The following ESRRG variants were observed in gnomAD, a reference collection of about 807,000 sequenced individuals.
ESRRG encodes the protein estrogen related receptor gamma, also known as estrogen-related receptor gamma.
Under a neutral mutation model 44.0 loss-of-function variants are expected in ESRRG, and 13 were observed. The observed-to-expected ratio is 0.30, with a 90% CI of 0.19 to 0.47. ESRRG has a LOEUF of 0.47. Among genes scored for constraint, ESRRG ranks in the 20% least tolerant of loss-of-function variants. The pLI, the probability that ESRRG is intolerant of heterozygous loss-of-function variation, is 1.00. For missense variants in ESRRG, 395 were observed against 580.6 expected, an observed-to-expected ratio of 0.68 and a Z score of 3.29; for synonymous variants, 215 against 214.6, an observed-to-expected ratio of 1.00 and a Z score of -0.02.
intron 3 of ESRRG, among the ~76,000 whole-genome samples, chr1:216,580,580 T>C (rs1243979169): frequency 1.3e-5 from 2 of 152,200 alleles, no homozygotes; most frequent in Non-Finnish European, 2.9e-5. Context: ...ATTGCTATAC[T>C]TGGGAAATTT....
intron 2 of ESRRG, among the ~76,000 whole-genome samples, chr1:216,782,705 T>A (rs1484640544): frequency 1.3e-5 from 2 of 152,090 alleles, no homozygotes; most frequent in South Asian, 2.1e-4. Context: ...AGAACAGGAC[T>A]AATGATCGTC....
intron 2 of ESRRG, among the ~76,000 whole-genome samples, chr1:216,737,849 T>G (rs2090157527): frequency 6.6e-6 from 1 of 151,930 alleles, no homozygotes; most frequent in African/African-American, 2.4e-5. Context: ...ATAACATAAA[T>G]CCAAGCTCAC....
chr1:216,944,187 T>G (rs538403189), intron 1 of ESRRG, among the ~76,000 whole-genome samples: 1 of 152,310 alleles, frequency 6.6e-6, no homozygotes, highest in East Asian at 1.9e-4. Flanking sequence ...CCACTCTATA[T>G]TTAGTCTTCA....
intron 1 of ESRRG, chr1:216,686,134 T>A (rs1312652002): frequency 1.3e-5 from 2 of 152,142 alleles, no homozygotes; most frequent in Non-Finnish European, 2.9e-5. Context: ...GCAGCTGGTC[T>A]TGGGTGATCT....
intron 4 of ESRRG, among the ~76,000 whole-genome samples, chr1:216,566,064 G>T (rs749224072): frequency 5.3e-5 from 8 of 151,786 alleles, no homozygotes; most frequent in Non-Finnish European, 1.0e-4. Flanking sequence ...AGAGAAATTT[G>T]GTTGAAGCTT....
intron 3 of ESRRG, among the ~76,000 whole-genome samples, chr1:216,599,066 T>G (rs1304258847): frequency 6.6e-6 from 1 of 152,158 alleles, no homozygotes. Flanking sequence ...AAAAGAAGAT[T>G]ATCTGAAGGA....
At chr1:217,040,174 A>AT (rs548272771) in intron 1 of ESRRG, among the ~76,000 whole-genome samples, 2 of 152,164 alleles carry the variant, frequency 1.3e-5, no homozygotes, top group African/African-American at 2.4e-5. Context: ...GTTGCTATAC[A>AT]TTTTTTTGAA....
intron 1 of ESRRG, among the ~76,000 whole-genome samples, chr1:217,123,429 C>G (rs1026119984): frequency 1.3e-5 from 2 of 152,090 alleles, no homozygotes; most frequent in Non-Finnish European, 2.9e-5. Context: ...TCTGCTCCAC[C>G]AGTTCCACCT....
At chr1:216,612,564 C>T (rs2060823061) in intron 3 of ESRRG, among the ~76,000 whole-genome samples, 1 of 152,176 alleles carries the variant, frequency 6.6e-6, no homozygotes, top group Non-Finnish European at 1.5e-5. Context: ...CTCCCCACTT[C>T]TCTGGTCTGT....
Position 216,883,105 on chromosome 1 carries a change from C to T in ESRRG, c.-14+56477G>A, listed in dbSNP as rs2096468997. The stretch of plus-strand genomic sequence containing the variant: ...TAAGATACTTTGCTCAGGCTGGGCG[C>T]AGTGGCTCACGCCTGTAATCCCAGC... On this transcript the variant is annotated intron_variant, in intron 2 of 7. Transcript: ENST00000359162. Among the ~76,000 whole-genome samples, 4 of 152,100 alleles carry T rather than the reference C, an allele frequency of 2.6e-5. No individual in the cohort carries two copies. In the South Asian group the frequency reaches 8.3e-4, roughly 32 times the overall value.
chr1:216,948,823 T>G (rs1228258671), intron 1 of ESRRG, among the ~76,000 whole-genome samples: 1 of 152,178 alleles, frequency 6.6e-6, no homozygotes, highest in Non-Finnish European at 1.5e-5. Context: ...AATAAGGCAC[T>G]GAGGAATTAA....
intron 1 of ESRRG, among the ~76,000 whole-genome samples, chr1:216,958,491 G>A (rs1295894974): frequency 7.1e-6 from 1 of 139,910 alleles, no homozygotes; most frequent in Non-Finnish European, 1.6e-5. Context: ...GGTATACAAT[G>A]GCATCTCACT....
Position 216,743,749 on chromosome 1 carries a change from A to G in ESRRG, c.-13-66258T>C, listed in dbSNP as rs895535866. Among the ~76,000 whole-genome samples, 3 of 152,144 alleles carry G rather than the reference A, an allele frequency of 2.0e-5. No homozygotes were observed. In the South Asian group the frequency reaches 6.2e-4, roughly 32 times the overall value. On this transcript the variant is annotated intron_variant, in intron 2 of 7. Transcript: ENST00000359162. ...CATTGACATGATGGTCAGTGCTGCT[A>G]AGTATCACAGGTTTATGATGTGCTA...
At chr1:216,737,095 T>A (rs1251649481) in intron 2 of ESRRG, among the ~76,000 whole-genome samples, 1 of 152,256 alleles carries the variant, frequency 6.6e-6, no homozygotes. Context: ...TGCTGGCTGC[T>A]ACGGCTCAGT....
Position 216,732,850 on chromosome 1 carries a change from G to C in ESRRG, c.-13-55359C>G, listed in dbSNP as rs532244740. Among the ~76,000 whole-genome samples the C allele has an allele frequency of 5.1e-3, 570 of 112,104 alleles. 7 individuals carry two copies. Among genetic ancestry groups the C allele is most frequent in the Non-Finnish European group, 8.9e-3 (467 of 52,212 alleles). The allele number at this position is 112,104 out of a possible 152,430, so 73.5% of individuals were successfully genotyped here. A position where few individuals can be genotyped will look rare whatever the true frequency, so the allele number is the denominator to read the frequency against. On this transcript the variant is annotated intron_variant, in intron 2 of 7. Transcript: ENST00000359162. ...CCATCTCTAAAATTAAAAAAAAAAA[G>C]GGGGGGGAGGAGGGGGACTCTTGTG...
intron 2 of ESRRG, among the ~76,000 whole-genome samples, chr1:216,857,322 GAAGACATT>G (rs2095962812): frequency 6.8e-6 from 1 of 146,838 alleles, no homozygotes. Context: ...ACAATTCTCT[GAAGACATT>G]CCTTTCCTAT....
chr1:216,588,308 T>A lies in ESRRG; in HGVS notation c.590-20210A>T, dbSNP rs577349065. 4.6e-5 allele frequency among the ~76,000 whole-genome samples: 7 copies of A among 152,304 alleles called. No individual in the cohort carries two copies. The South Asian group carries it at 1.5e-3, about 32-fold the overall frequency. On this transcript the variant is annotated intron_variant, in intron 3 of 6. Coordinates refer to ENST00000408911, the MANE Select transcript of ESRRG (RefSeq NM_001438.4). Reference sequence around the variant, plus strand: ...GTCTCTTGTTCCCTTGGGCTACTGATTCTTCTGTAACCTTTTGATTTGCAA... The same window carrying A: ...GTCTCTTGTTCCCTTGGGCTACTGAATCTTCTGTAACCTTTTGATTTGCAA...
chr1:216,574,955 C>G (rs1281762149), intron 3 of ESRRG, among the ~76,000 whole-genome samples: 1 of 152,070 alleles, frequency 6.6e-6, no homozygotes, highest in Non-Finnish European at 1.5e-5. Flanking sequence ...CCAACAGCAC[C>G]CTTGAATTCT....
chr1:216,842,646 T>C (rs2095670130), intron 2 of ESRRG, among the ~76,000 whole-genome samples: 1 of 152,222 alleles, frequency 6.6e-6, no homozygotes, highest in African/African-American at 2.4e-5. Context: ...TTAAGTGGTA[T>C]GTGACATGCT....
Sources: allele counts gnomAD v4.1 joint callset (sites outside exome capture counted in the v4.1 genomes callset), GRCh38; gene constraint gnomAD v4.1.1; transcripts MANE v1.5; gene names NCBI Gene and HGNC (gene_info 2026-07-23, HGNC 2026-07-21).